The following ABL1 variants were observed in gnomAD, a reference collection of about 807,000 sequenced individuals.
ABL1 encodes ABL proto-oncogene 1, non-receptor tyrosine kinase.
In ABL1, 11 loss-of-function variants were observed where a neutral mutation model predicts 94.7. The observed-to-expected ratio is 0.12, with a 90% CI of 0.07 to 0.19. The LOEUF is 0.19. Among genes scored for constraint, ABL1 ranks in the 10% least tolerant of loss-of-function variants. The probability of loss-of-function intolerance (pLI) is 1.00; values close to 1 mark genes in which losing one functional copy is unlikely to be tolerated. For missense variants in ABL1, 1,082 were observed against 1,489.4 expected, an observed-to-expected ratio of 0.73 and a Z score of 4.50; for synonymous variants, 656 against 622.4, an observed-to-expected ratio of 1.05 and a Z score of -0.80.
At chr9:130,789,607 C>T (rs554907416) in intron 1 of ABL1, among the ~76,000 whole-genome samples, 1 of 152,190 alleles carries the variant, frequency 6.6e-6, no homozygotes, top group Non-Finnish European at 1.5e-5. Context: ...CTGACAATTT[C>T]AGATATTGGA....
At chr9:130,813,561 CAAAAAAAAAAAA>C (rs57194587) in intron 1 of ABL1, among the ~76,000 whole-genome samples, 298 of 60,700 alleles carry the variant, frequency 4.9e-3, no homozygotes, top group Non-Finnish European at 8.2e-3. Flanking sequence ...ACTCCATCTC[CAAAAAAAAAAAA>C]AAAAAAAAAA....
intron 1 of ABL1, among the ~76,000 whole-genome samples, chr9:130,721,437 G>C (rs1003199525): frequency 1.3e-5 from 2 of 150,538 alleles, no homozygotes; most frequent in Non-Finnish European, 3.0e-5. Flanking sequence ...GGCCAGGTGC[G>C]GTGGCTCATG....
chr9:130,771,464 C>A (rs548976947), intron 1 of ABL1, among the ~76,000 whole-genome samples: 1 of 152,178 alleles, frequency 6.6e-6, no homozygotes, highest in East Asian at 1.9e-4. Context: ...AACATTTGTT[C>A]TTTCTTAGGC....
At chr9:130,833,769 G>A (rs762882445), upstream of ABL1, among the ~76,000 whole-genome samples, 1 of 152,224 alleles carries the variant, frequency 6.6e-6, no homozygotes, top group Non-Finnish European at 1.5e-5. Flanking sequence ...TCCAACTGGA[G>A]TTTTTATGTG....
At chr9:130,728,661 A>G (rs1254703428) in intron 1 of ABL1, among the ~76,000 whole-genome samples, 1 of 149,954 alleles carries the variant, frequency 6.7e-6, no homozygotes. Flanking sequence ...AAGTGCTGGG[A>G]TTACAGGCAT....
At chr9:130,821,915 C>T (rs2132878353) in intron 1 of ABL1, among the ~76,000 whole-genome samples, 1 of 151,410 alleles carries the variant, frequency 6.6e-6, no homozygotes, top group Admixed American at 6.6e-5. Context: ...TCTCAGCTCA[C>T]TGCAAGCTCT....
intron 1 of ABL1, among the ~76,000 whole-genome samples, chr9:130,754,068 G>T (rs1490882523): frequency 2.6e-5 from 4 of 151,460 alleles, no homozygotes. Context: ...TTAGCTGGGG[G>T]TAGTGGCGTT....
At chr9:130,867,488 T>C (rs754765571) in intron 4 of ABL1, among the ~76,000 whole-genome samples, 1 of 152,238 alleles carries the variant, frequency 6.6e-6, no homozygotes, top group African/African-American at 2.4e-5. Flanking sequence ...CAGAAACTAC[T>C]GGATCAGGGA....
In ABL1 at chr9:130,733,727, C is replaced by T. The variant is rs565985748; in HGVS notation, c.136+19272C>T. On this transcript the variant is annotated intron_variant, in intron 1 of 10. Coordinates refer to the ABL1 transcript ENST00000372348. ...CCGAGTAGCTGGGACTACAGGCGCC[C>T]GCCACCGCGCCTGCCACCACGCCCG... Among the ~76,000 whole-genome samples the T allele has an allele frequency of 5.9e-4, 90 of 151,510 alleles. 1 individual carries two copies. In the East Asian group the frequency reaches 7.0e-3, roughly 12 times the overall value.
At chr9:130,818,438 C>T (rs1265125098) in intron 1 of ABL1, among the ~76,000 whole-genome samples, 5 of 152,084 alleles carry the variant, frequency 3.3e-5, no homozygotes, top group Non-Finnish European at 7.4e-5. Context: ...CTGCTGCACT[C>T]CAGCCTGGGC....
upstream of ABL1, chr9:130,833,895 C>T (rs1588257961): frequency 4.9e-6 from 2 of 404,986 alleles, no homozygotes; most frequent in East Asian, 7.4e-5. Context: ...GTCTCATAAC[C>T]AAGGCTTTCT....
chr9:130,735,961 A>ATATATATATATATAT (rs573602038), intron 1 of ABL1, among the ~76,000 whole-genome samples: 6 of 94,882 alleles, frequency 6.3e-5, no homozygotes, highest in African/African-American at 3.8e-4. Flanking sequence ...ATATATATAT[A>ATATATATATATATAT]TTTTTTTTTT....
intron 3 of ABL1, among the ~76,000 whole-genome samples, chr9:130,855,858 C>G (rs1356176768): frequency 1.3e-5 from 2 of 152,152 alleles, no homozygotes; most frequent in Non-Finnish European, 2.9e-5. Context: ...GTTTATTCTA[C>G]TGCACCAGGC....
chr9:130,877,675 C>A (rs937681966), intron 7 of ABL1, among the ~76,000 whole-genome samples: 4 of 145,918 alleles, frequency 2.7e-5, no homozygotes, highest in African/African-American at 1.1e-4. Flanking sequence ...GGGTCTTGCT[C>A]TGTCGCCCAG....
intron 1 of ABL1, among the ~76,000 whole-genome samples, chr9:130,799,053 A>G (rs943922565): frequency 2.6e-5 from 4 of 151,934 alleles, no homozygotes; most frequent in South Asian, 2.1e-4. Flanking sequence ...CACCCACTCT[A>G]TGATGTATAT....
intron 1 of ABL1, among the ~76,000 whole-genome samples, chr9:130,837,014 A>T (rs1345710486): frequency 6.6e-6 from 1 of 152,112 alleles, no homozygotes; most frequent in African/African-American, 2.4e-5. Context: ...TTGGAGTCAC[A>T]TATGCAGATC....
rs555208503 is a variant in ABL1 at position 130,872,002 on chromosome 9, G to A, written c.823-127G>A. The A allele has an allele frequency of 2.8e-6, 2 of 715,560 alleles. No individual in the cohort carries two copies. The highest frequency in any genetic ancestry group is 5.5e-5 in the East Asian group (2 of 36,222). The allele number at this position is 715,560 out of a possible 1,614,324, so 44.3% of individuals were successfully genotyped here. A position where few individuals can be genotyped will look rare whatever the true frequency, so the allele number is the denominator to read the frequency against. On this transcript the variant is annotated intron_variant, in intron 4 of 10. Coordinates refer to ENST00000318560, the MANE Select transcript of ABL1 (RefSeq NM_005157.6). The surrounding 1 kb of genome is among the most constrained non-coding windows in gnomAD (Gnocchi z 5.0). ...TCATGGAACCTGTCTGCAGCAATGT[G>A]GCTGTCACAAAACGCAGCCCAGGAC...
rs573602038 is a variant in ABL1, at chr9:130,735,961, A to ATATATTTTTTTT, written c.136+21507_136+21508insATATTTTTTTTT. Among the ~76,000 whole-genome samples the ATATATTTTTTTT allele has an allele frequency of 4.2e-3, 402 of 94,820 alleles. 11 individuals are homozygous for ATATATTTTTTTT. The highest frequency in any genetic ancestry group is 0.021 in the African/African-American group (329 of 15,674). The allele number at this position is 94,820 out of a possible 152,430, so 62.2% of individuals were successfully genotyped here. On this transcript the variant is annotated intron_variant, in intron 1 of 10. Transcript: ENST00000372348. Reference sequence around the variant, plus strand: ...TATATATATATATATATATATATATATTTTTTTTTTTTAAGACAGGGTCTG... The same window carrying ATATATTTTTTTT: ...TATATATATATATATATATATATATATATATTTTTTTTTTTTTTTTTTTTAAGACAGGGTCTG...
intron 1 of ABL1, among the ~76,000 whole-genome samples, chr9:130,753,933 C>T (rs1462205125): frequency 2.0e-5 from 3 of 151,538 alleles, no homozygotes; most frequent in Non-Finnish European, 2.9e-5. Context: ...TCGCTGGGCG[C>T]GGTGGCTCAC....
Sources: gnomAD v4.1 joint callset for allele counts (sites outside exome capture counted in the v4.1 genomes callset) on GRCh38, gnomAD v4.1.1 for gene constraint, Gnocchi (gnomAD v3.1) non-coding constraint, MANE v1.5 for transcripts, NCBI Gene and HGNC (gene_info 2026-07-23, HGNC 2026-07-21) for gene names.